PRDM2: variants seen among roughly 807,000 people sequenced by gnomAD.
PRDM2 encodes PR/SET domain 2.
Under a neutral mutation model 130.0 loss-of-function variants are expected in PRDM2, and 30 were observed. The ratio of observed to expected loss-of-function variants is 0.23; its 90% CI spans 0.17 to 0.31. PRDM2 has a LOEUF of 0.31. PRDM2 is among the 10% of genes least tolerant of loss of function. PRDM2 has a pLI of 1.00. For synonymous variants in PRDM2, 871 were observed against 782.4 expected (o/e 1.11, Z -1.89); for missense variants, 2,011 against 2,108.4 (o/e 0.95, Z 0.90).
intron 6 of PRDM2, among the ~76,000 whole-genome samples, chr1:13,768,217 A>G: frequency 6.7e-6 from 1 of 149,436 alleles, no homozygotes; most frequent in East Asian, 2.0e-4. Context: ...AGCTGGGACT[A>G]TACTACAGGC....
In PRDM2 at chr1:13,803,316, G is replaced by A. The variant is rs542025522; in HGVS notation, c.5037-13111G>A. 3.3e-5 allele frequency among the ~76,000 whole-genome samples: 5 copies of A among 152,306 alleles called. No individual in the cohort carries two copies. The highest frequency in any genetic ancestry group is 2.6e-4 in the Admixed American group (4 of 15,296). On this transcript the variant is annotated intron_variant, in intron 8 of 9. Coordinates refer to ENST00000311066, the MANE Select transcript of PRDM2 (RefSeq NM_001393986.1). This position sits in a 1 kb window ranked among gnomAD's most constrained non-coding sequence, Gnocchi z 6.2. ...TTTGCCATCCATTTGTTCAGGAAACGTTCTCTGAGCACCAGCCTTTGCTAG... is the reference window on the plus strand; with the variant it reads ...TTTGCCATCCATTTGTTCAGGAAACATTCTCTGAGCACCAGCCTTTGCTAG...
At chr1:13,776,539 A>T (rs1232395798) in intron 7 of PRDM2, among the ~76,000 whole-genome samples, 1 of 152,036 alleles carries the variant, frequency 6.6e-6, no homozygotes, top group Non-Finnish European at 1.5e-5. Context: ...TTACAGGTAA[A>T]CTTGAAAGAG....
intron 8 of PRDM2, among the ~76,000 whole-genome samples, chr1:13,807,494 C>T (rs1044084081): frequency 2.6e-5 from 4 of 152,160 alleles, no homozygotes; most frequent in Admixed American, 2.0e-4. Flanking sequence ...AAAAGGGAGT[C>T]GAGATGGGGA....
chr1:13,738,669 T>G (rs1451698064), intron 4 of PRDM2: 1 of 152,244 alleles, frequency 6.6e-6, no homozygotes, highest in Non-Finnish European at 1.5e-5. Flanking sequence ...AAATAAAATG[T>G]GCTATCACCT....
At chr1:13,750,826 A>G (rs1347609945) in intron 6 of PRDM2, among the ~76,000 whole-genome samples, 1 of 151,126 alleles carries the variant, frequency 6.6e-6, no homozygotes, top group Admixed American at 6.6e-5. Flanking sequence ...TATTGCTATT[A>G]GGCTTAGTGC....
Position 13,781,100 on chromosome 1 carries a change from A to C in PRDM2, c.3305A>C (p.Gln1102Pro). 2 of 1,613,844 alleles carry C rather than the reference A, an allele frequency of 1.2e-6. No homozygotes were observed. Among genetic ancestry groups the C allele is most frequent in the Non-Finnish European group, 1.7e-6 (2 of 1,179,744 alleles). ...TCTCTCCCCATGATATCTTTCAAAC[A>C]GGAGGAATTAGAGAATGAAGGTCTG... Reference protein sequence around the residue: ...EASLPMISFKQEELENEGLKP... With the variant: ...EASLPMISFKPEELENEGLKP... The change falls in exon 8 of 10, where the codon CAG (glutamine) becomes CCG (proline). Residue 1102 changes from glutamine to proline, a missense_variant. By Grantham distance (76) the Gln-to-Pro change is moderately conservative (BLOSUM62 -1). Around this residue, in one of 5 missense-constraint regions of PRDM2, gnomAD observed 229 missense variants for 364.1 expected, o/e 0.63. Transcript: ENST00000311066. This position sits in a 1 kb window ranked among gnomAD's most constrained non-coding sequence, Gnocchi z 6.1.
In PRDM2 at chr1:13,806,070, A is replaced by G. The variant is rs1429808158; in HGVS notation, c.5037-10357A>G. ...CTTGAGGAGCCATCAAACCAAGGTT[A>G]TCAGCAGCCCCCAGGATGCTCAATG... On this transcript the variant is annotated intron_variant, in intron 8 of 9. Coordinates refer to ENST00000311066, the MANE Select transcript of PRDM2 (RefSeq NM_001393986.1). The surrounding 1 kb of genome is among the most constrained non-coding windows in gnomAD (Gnocchi z 4.1). 6.6e-6 allele frequency among the ~76,000 whole-genome samples: 1 copy of G among 152,028 alleles called. No homozygotes were observed. The highest frequency in any genetic ancestry group is 1.9e-4 in the East Asian group (1 of 5,174).
chr1:13,767,878 G>A (rs1225720121), intron 6 of PRDM2, among the ~76,000 whole-genome samples: 1 of 151,910 alleles, frequency 6.6e-6, no homozygotes, highest in African/African-American at 2.4e-5. Flanking sequence ...AGGAGGCTGA[G>A]GCAGGAGGGA....
At position 13,806,303 on chromosome 1, in the gene PRDM2, G is replaced by A. The variant is rs956868014; in HGVS notation, c.5037-10124G>A. 6.6e-6 allele frequency among the ~76,000 whole-genome samples: 1 copy of A among 151,596 alleles called. No homozygotes were observed. Among genetic ancestry groups the A allele is most frequent in the Non-Finnish European group, 1.5e-5 (1 of 67,958 alleles). ...TCCCTGGGCTCTGTCCCCTCGCTCC[G>A]TCTCCGCTCCCCCTTGGTGATCTCA... On this transcript the variant is annotated intron_variant, in intron 8 of 9. Coordinates refer to ENST00000311066, the MANE Select transcript of PRDM2 (RefSeq NM_001393986.1). This position sits in a 1 kb window ranked among gnomAD's most constrained non-coding sequence, Gnocchi z 4.1.
Position 13,782,663 on chromosome 1 carries a change from A to G in PRDM2, c.4868A>G (p.Gln1623Arg), listed in dbSNP as rs896982643. 43 of 1,614,108 alleles carry G rather than the reference A, an allele frequency of 2.7e-5. No homozygotes were observed. The highest frequency in any genetic ancestry group is 3.6e-5 in the Non-Finnish European group (43 of 1,180,052). The change falls in exon 8 of 10, where the codon CAA (glutamine) becomes CGA (arginine). Residue 1623 changes from glutamine to arginine, a missense_variant. Transcript: ENST00000311066. ...GTACAGAAAAGCAAAGCTGTTTTACAAAGCAAATCCACCTTGGCGAGTAAG... is the reference window on the plus strand; with the variant it reads ...GTACAGAAAAGCAAAGCTGTTTTACGAAGCAAATCCACCTTGGCGAGTAAG... The part of the protein sequence containing the change: ...VRVQKSKAVL[Q>R]SKSTLASKKR...
chr1:13,729,701 A>G (rs1643039379), intron 2 of PRDM2, among the ~76,000 whole-genome samples: 1 of 152,138 alleles, frequency 6.6e-6, no homozygotes, highest in Non-Finnish European at 1.5e-5. Flanking sequence ...TGTTTCAGGG[A>G]TATTGTTGGG....
At chr1:13,717,681 CTTT>C (rs33938157) in intron 2 of PRDM2, among the ~76,000 whole-genome samples, 6 of 148,754 alleles carry the variant, frequency 4.0e-5, no homozygotes, top group Admixed American at 6.7e-5. Flanking sequence ...ATAACTACTA[CTTT>C]TTTTTTTTTT....
At position 13,806,542 on chromosome 1, in the gene PRDM2, G is replaced by C. The variant is rs1304665451; in HGVS notation, c.5037-9885G>C. On this transcript the variant is annotated intron_variant, in intron 8 of 9. Coordinates refer to ENST00000311066, the MANE Select transcript of PRDM2 (RefSeq NM_001393986.1). The surrounding 1 kb of genome is among the most constrained non-coding windows in gnomAD (Gnocchi z 4.1). ...TGGAAACGGTCCTGCTTGGAGTCCA[G>C]CTACCAGCTAGACTCCAACCTCTTC... Among the ~76,000 whole-genome samples, 1 of 152,108 alleles carries C rather than the reference G, an allele frequency of 6.6e-6. No individual in the cohort carries two copies. Among genetic ancestry groups the C allele is most frequent in the Non-Finnish European group, 1.5e-5 (1 of 67,996 alleles).
chr1:13,749,668 C>T (rs576153398), intron 6 of PRDM2, among the ~76,000 whole-genome samples, 181 bp downstream of exon 6: 59 of 151,590 alleles, frequency 3.9e-4, no homozygotes, highest in Non-Finnish European at 7.7e-4. Context: ...TCCCGCCCTG[C>T]GGTCCCGCTC....
At chr1:13,709,527 G>A (rs955640926) in intron 1 of PRDM2, among the ~76,000 whole-genome samples, 3 of 152,190 alleles carry the variant, frequency 2.0e-5, no homozygotes, top group African/African-American at 7.2e-5. Flanking sequence ...GTCAGTGTTA[G>A]ACGACACTAC....
intron 2 of PRDM2, among the ~76,000 whole-genome samples, chr1:13,725,504 C>T (rs1171575100): frequency 3.3e-5 from 5 of 152,190 alleles, no homozygotes; most frequent in Non-Finnish European, 7.3e-5. Context: ...TGCGCCCGGC[C>T]CAAGTCCTGT....
intron 6 of PRDM2, among the ~76,000 whole-genome samples, chr1:13,766,766 AG>A (rs1012906371): frequency 2.0e-5 from 3 of 152,180 alleles, no homozygotes; most frequent in Non-Finnish European, 4.4e-5. Flanking sequence ...ATAGCTCCCC[AG>A]TGAGGAGGCA....
intron 8 of PRDM2, among the ~76,000 whole-genome samples, chr1:13,793,214 CT>C (rs1644868981): frequency 6.6e-6 from 1 of 152,250 alleles, no homozygotes; most frequent in South Asian, 2.1e-4. Flanking sequence ...GCTTCCTGGC[CT>C]GTAGGGGAGC....
At chr1:13,767,498 G>T (rs1468474525) in intron 6 of PRDM2, among the ~76,000 whole-genome samples, 1 of 150,644 alleles carries the variant, frequency 6.6e-6, no homozygotes, top group Non-Finnish European at 1.5e-5. Flanking sequence ...AGATACGGGG[G>T]TCTCACTATG....
Sources: gnomAD v4.1 joint callset for allele counts (sites outside exome capture counted in the v4.1 genomes callset) on GRCh38, gnomAD v4.1.1 for gene constraint, gnomAD v4.1.1 regional missense constraint, Gnocchi (gnomAD v3.1) non-coding constraint, MANE v1.5 for transcripts, NCBI Gene and HGNC (gene_info 2026-07-23, HGNC 2026-07-21) for gene names.